HTT: variants seen among roughly 807,000 people sequenced by gnomAD.
HTT encodes huntingtin.
Under a neutral mutation model 362.3 loss-of-function variants are expected in HTT, and 104 were observed. That is an observed-to-expected ratio of 0.29 (90% CI 0.24 to 0.34). The LOEUF (loss-of-function observed/expected upper bound fraction) is 0.34. HTT is among the 10% of genes least tolerant of loss of function. The pLI is 1.00. For synonymous variants in HTT, 1,577 were observed against 1,548.7 expected (o/e 1.02, Z -0.43); for missense variants, 3,301 against 3,928.6 (o/e 0.84, Z 4.27).
At chr4:3,176,324 G>T (rs900364507) in intron 33 of HTT, among the ~76,000 whole-genome samples, 2 of 152,200 alleles carry the variant, frequency 1.3e-5, no homozygotes, top group African/African-American at 2.4e-5. Context: ...ACCGCGCCCG[G>T]CCTGGGGTCT....
rs1429429697 is a variant in HTT at position 3,210,611 on chromosome 4, G to GA, written c.6414+662_6414+663insA. ...CCGTGGGCAGGTCCTGTGAGCAGTG[G>GA]GGGGGCCACCTCTTGGGTATGGTGC... On this transcript the variant is annotated intron_variant, in intron 47 of 66. Coordinates refer to ENST00000355072, the MANE Select transcript of HTT (RefSeq NM_001388492.1). 3.9e-5 allele frequency among the ~76,000 whole-genome samples: 6 copies of GA among 152,196 alleles called. No individual in the cohort carries two copies. In the South Asian group the frequency reaches 6.2e-4, roughly 16 times the overall value.
chr4:3,123,712 G>T (rs1278650593), intron 10 of HTT, among the ~76,000 whole-genome samples: 1 of 152,048 alleles, frequency 6.6e-6, no homozygotes, highest in African/African-American at 2.4e-5. Flanking sequence ...AGTTTCCTTT[G>T]TTGGGTTATT....
intron 1 of HTT, among the ~76,000 whole-genome samples, chr4:3,079,174 G>A (rs1245597260): frequency 6.6e-6 from 1 of 151,944 alleles, no homozygotes; most frequent in African/African-American, 2.4e-5. Flanking sequence ...AGGATTACAG[G>A]CATGAGCCAC....
At chr4:3,209,097 A>C (rs1293504517) in intron 46 of HTT, among the ~76,000 whole-genome samples, 186 bp downstream of exon 46, 2 of 152,176 alleles carry the variant, frequency 1.3e-5, no homozygotes, top group Middle Eastern at 3.2e-3. Flanking sequence ...AGCAGTGCTG[A>C]TGTGGGACCC....
intron 3 of HTT, among the ~76,000 whole-genome samples, chr4:3,100,921 A>G (rs1195745004): frequency 2.0e-5 from 3 of 152,130 alleles, no homozygotes; most frequent in Non-Finnish European, 2.9e-5. Flanking sequence ...TAGAGATGGG[A>G]TCTCGCCAGG....
intron 10 of HTT, among the ~76,000 whole-genome samples, chr4:3,125,132 A>C (rs754571267): frequency 6.6e-6 from 1 of 152,172 alleles, no homozygotes; most frequent in Non-Finnish European, 1.5e-5. Flanking sequence ...TAGGTATTAG[A>C]GTTTTATTAT....
At chr4:3,239,028 G>A (rs373216083) in intron 66 of HTT, 50 bp downstream of exon 66, 174 of 1,532,914 alleles carry the variant, frequency 1.1e-4, no homozygotes, top group Middle Eastern at 5.1e-4. Context: ...TGTCAACACC[G>A]AGGCTCATGT....
chr4:3,115,597 C>T lies in HTT; in HGVS notation c.889+152C>T, dbSNP rs183759603. Reference sequence around the variant, plus strand: ...AACTGCACTGGGGCTGCTGTGAGCCCGCATGGGTCTCTGTGACCCTGCAGA... The same window carrying T: ...AACTGCACTGGGGCTGCTGTGAGCCTGCATGGGTCTCTGTGACCCTGCAGA... On this transcript the variant is annotated intron_variant, in intron 7 of 66. Coordinates refer to ENST00000355072, the MANE Select transcript of HTT (RefSeq NM_001388492.1). The T allele has an allele frequency of 2.9e-4, 187 of 648,212 alleles. No individual in the cohort carries two copies. In the East Asian group the frequency reaches 5.0e-3, roughly 17 times the overall value. 40.2% of individuals were successfully genotyped at this position (648,212 alleles called of 1,614,324 possible).
At chr4:3,229,413 CACACACAGCACACAACCACACACATGCA>C (rs1721112960) in intron 59 of HTT, among the ~76,000 whole-genome samples, 1 of 140,242 alleles carries the variant, frequency 7.1e-6, no homozygotes, top group African/African-American at 2.9e-5. Context: ...ATGTATGTGC[CACACACAGCACACAACCACACACATGCA>C]CCACACACAT....
intron 2 of HTT, among the ~76,000 whole-genome samples, chr4:3,091,719 T>C (rs1182665325): frequency 6.6e-6 from 1 of 152,172 alleles, no homozygotes; most frequent in Non-Finnish European, 1.5e-5. Context: ...TCAAGCTGAT[T>C]AGGACACTAG....
At chr4:3,075,648 A>AGGGGGGGGGGGGGGGGGG (rs368641776) in intron 1 of HTT, among the ~76,000 whole-genome samples, 1 of 54,362 alleles carries the variant, frequency 1.8e-5, no homozygotes, top group African/African-American at 6.1e-5. Context: ...GTGGCGGGGC[A>AGGGGGGGGGGGGGGGGGG]GGGGGGGGGC....
At chr4:3,172,268 A>G in intron 29 of HTT, 52 bp from the exon 30 acceptor site, 1 of 992,346 alleles carries the variant, frequency 1.0e-6, no homozygotes, top group Non-Finnish European at 1.6e-6. Flanking sequence ...TAGGATTCGT[A>G]CAATAACGGG....
intron 50 of HTT, among the ~76,000 whole-genome samples, 186 bp from the exon 51 acceptor site, chr4:3,214,924 C>T (rs1720327084): frequency 6.6e-6 from 1 of 152,182 alleles, no homozygotes; most frequent in Non-Finnish European, 1.5e-5. Context: ...CAGACATATA[C>T]CACTAACCAA....
At chr4:3,081,372 C>T (rs898351362) in intron 1 of HTT, among the ~76,000 whole-genome samples, 5 of 152,140 alleles carry the variant, frequency 3.3e-5, no homozygotes, top group African/African-American at 9.6e-5. Context: ...TTATTAATGA[C>T]AAGGAAGTTT....
chr4:3,127,972 TAAA>T (rs1251735620), intron 12 of HTT, among the ~76,000 whole-genome samples: 1 of 150,832 alleles, frequency 6.6e-6, no homozygotes, highest in African/African-American at 2.4e-5. Flanking sequence ...TCAAAAAAAA[TAAA>T]AAAATAAAGT....
intron 53 of HTT, among the ~76,000 whole-genome samples, chr4:3,221,392 T>C (rs1265602801): frequency 6.6e-6 from 1 of 152,242 alleles, no homozygotes; most frequent in African/African-American, 2.4e-5. Context: ...TTTGCTTACT[T>C]GGGTGCCCTT....
intron 40 of HTT, among the ~76,000 whole-genome samples, chr4:3,198,071 AC>A (rs1719348821): frequency 6.6e-6 from 1 of 152,088 alleles, no homozygotes; most frequent in Non-Finnish European, 1.5e-5. Context: ...CCTCGTCGTG[AC>A]CTGGTCTGCA....
At chr4:3,139,229 G>T (rs1400291062) in intron 21 of HTT, among the ~76,000 whole-genome samples, 1 of 152,082 alleles carries the variant, frequency 6.6e-6, no homozygotes, top group Admixed American at 6.6e-5. Context: ...ACAGAGTCTC[G>T]CTCTGTCACT....
At chr4:3,222,253 G>A in intron 53 of HTT, 134 bp from the exon 54 acceptor site, 1 of 649,824 alleles carries the variant, frequency 1.5e-6, no homozygotes, top group Middle Eastern at 3.8e-4. Context: ...ATAGAACTGT[G>A]TGAGGTTTAA....
Sources: gnomAD v4.1 joint callset for allele counts (sites outside exome capture counted in the v4.1 genomes callset) on GRCh38, gnomAD v4.1.1 for gene constraint, MANE v1.5 for transcripts, NCBI Gene and HGNC (gene_info 2026-07-23, HGNC 2026-07-21) for gene names.